The following RASSF5 variants were observed in gnomAD, a reference collection of about 807,000 sequenced individuals.
RASSF5 encodes ras association domain-containing protein 5.
RASSF5 carries 25 observed loss-of-function variants against 40.5 expected under a neutral mutation model. The observed-to-expected ratio is 0.62, with a 90% CI of 0.45 to 0.86. The LOEUF is 0.86. RASSF5 is among the 40% of genes least tolerant of loss of function. The pLI is 0.00. For missense variants in RASSF5, 521 were observed against 572.8 expected (o/e 0.91, Z 0.92); for synonymous variants, 246 against 252.4 (o/e 0.97, Z 0.24).
At chr1:206,565,613 C>T (rs1668268126) in intron 2 of RASSF5, among the ~76,000 whole-genome samples, 1 of 152,238 alleles carries the variant, frequency 6.6e-6, no homozygotes, top group South Asian at 2.1e-4. Flanking sequence ...TCCCCTTCCC[C>T]ATCCATGAAG....
chr1:206,577,532 A>G (rs1213041471), intron 2 of RASSF5, among the ~76,000 whole-genome samples: 1 of 152,252 alleles, frequency 6.6e-6, no homozygotes, highest in Non-Finnish European at 1.5e-5. Flanking sequence ...CTTAGAGATT[A>G]TCTGACTTTC....
chr1:206,555,367 GT>G lies in RASSF5; in HGVS notation c.579+17084del, dbSNP rs1176184059. ...TGTGGCCACAGAGAATCTGGGGCCT[GT>G]TTTTTTTTTCTTAAGTATTAGATTC... is the stretch of plus-strand genomic sequence containing the variant. On this transcript the variant is annotated intron_variant, in intron 2 of 5. Coordinates refer to ENST00000579436, the MANE Select transcript of RASSF5 (RefSeq NM_182663.4). Among the ~76,000 whole-genome samples the G allele has an allele frequency of 6.2e-4, 58 of 94,056 alleles. 1 individual carries two copies. In the South Asian group the frequency reaches 0.018, roughly 29 times the overall value. The allele number at this position is 94,056 out of a possible 152,430, so 61.7% of individuals were successfully genotyped here.
chr1:206,580,943 G>C (rs894861182), intron 2 of RASSF5: 8 of 152,226 alleles, frequency 5.3e-5, no homozygotes, highest in Admixed American at 6.5e-5. Context: ...ACAGGCTTTG[G>C]TTTAACAGCT....
intron 2 of RASSF5, among the ~76,000 whole-genome samples, chr1:206,570,077 CCTTTT>C (rs1558516746): frequency 9.3e-6 from 1 of 106,964 alleles, no homozygotes; most frequent in African/African-American, 3.5e-5. Flanking sequence ...ATAAAATTTA[CCTTTT>C]TTTTTTTTTT....
intron 2 of RASSF5, among the ~76,000 whole-genome samples, chr1:206,550,363 G>A (rs999328934): frequency 6.6e-6 from 1 of 152,260 alleles, no homozygotes; most frequent in African/African-American, 2.4e-5. Context: ...CCAGCCTTAC[G>A]CATTGGGTAA....
chr1:206,578,796 C>T (rs1668756741), intron 2 of RASSF5, among the ~76,000 whole-genome samples: 2 of 152,152 alleles, frequency 1.3e-5, no homozygotes, highest in Non-Finnish European at 2.9e-5. Context: ...AGCCACGTGA[C>T]TCACTCAGAG....
Position 206,535,828 on chromosome 1 carries a change from A to G in RASSF5, c.458-2344A>G, listed in dbSNP as rs1469582652. Among the ~76,000 whole-genome samples, 5 of 151,948 alleles carry G rather than the reference A, an allele frequency of 3.3e-5. No individual in the cohort carries two copies. The East Asian group carries it at 9.7e-4, about 29-fold the overall frequency. On this transcript the variant is annotated intron_variant, in intron 1 of 5. Coordinates refer to ENST00000579436, the MANE Select transcript of RASSF5 (RefSeq NM_182663.4). The surrounding 1 kb of genome is among the most constrained non-coding windows in gnomAD (Gnocchi z 5.0). ...CCTGTGCCAACAGGACAAGGAGCTA[A>G]AAGAGGAGGAGAGAGAAATTCCTCC...
intron 2 of RASSF5, chr1:206,581,239 G>A (rs1668860561): frequency 1.3e-5 from 2 of 152,294 alleles, no homozygotes; most frequent in African/African-American, 4.8e-5. Flanking sequence ...TTATTAATAG[G>A]TCAGGACCCC....
rs1668726417 is a variant in RASSF5, at chr1:206,578,191, A to G, written c.580-5078A>G. Among the ~76,000 whole-genome samples the G allele has an allele frequency of 2.0e-5, 3 of 150,114 alleles. No homozygotes were observed. In the South Asian group the frequency reaches 6.3e-4, roughly 32 times the overall value. On this transcript the variant is annotated intron_variant, in intron 2 of 5. Coordinates refer to ENST00000579436, the MANE Select transcript of RASSF5 (RefSeq NM_182663.4). ...CAGTGAGTTGTGATTGCACCAGTGC[A>G]CTCTCGACTGGGTGACAGAGGGAGA...
chr1:206,533,549 A>T (rs1448323961), intron 1 of RASSF5, among the ~76,000 whole-genome samples: 1 of 152,052 alleles, frequency 6.6e-6, no homozygotes, highest in African/African-American at 2.4e-5. Flanking sequence ...TGAGGCGGGG[A>T]GTTTGATACC....
Position 206,521,457 on chromosome 1 carries a change from G to A in RASSF5, c.457+13398G>A, listed in dbSNP as rs1353545189. Among the ~76,000 whole-genome samples the A allele has an allele frequency of 6.6e-5, 10 of 152,190 alleles. 1 individual carries two copies. Among genetic ancestry groups the A allele is most frequent in the Admixed American group, 5.9e-4 (9 of 15,290 alleles). ...TGAACCTGCCTGCTCCTGGCCTCCT[G>A]TGACCTCCTGGCACTAGAACTGGGC... On this transcript the variant is annotated intron_variant, in intron 1 of 5. Coordinates refer to ENST00000579436, the MANE Select transcript of RASSF5 (RefSeq NM_182663.4).
chr1:206,561,936 G>A (rs1553402718), intron 2 of RASSF5, among the ~76,000 whole-genome samples: 1 of 151,752 alleles, frequency 6.6e-6, no homozygotes, highest in Non-Finnish European at 1.5e-5. Flanking sequence ...CCAAGGTGCT[G>A]GGATTACAGG....
intron 1 of RASSF5, 113 bp downstream of exon 1, chr1:206,508,172 G>A: frequency 4.8e-6 from 4 of 834,180 alleles, no homozygotes; most frequent in Non-Finnish European, 6.7e-6. Context: ...GGCTCCAGGG[G>A]AGCCCCGAAC....
At chr1:206,540,898 T>C (rs11590231) in intron 2 of RASSF5, among the ~76,000 whole-genome samples, 70,161 of 151,750 alleles carry the variant, frequency 0.46, 16,920 homozygotes, top group East Asian at 0.73. Flanking sequence ...CTCTGATATA[T>C]ATTTTTTTTT....
intron 2 of RASSF5, among the ~76,000 whole-genome samples, chr1:206,570,978 G>C (rs574801650): frequency 6.6e-6 from 1 of 152,236 alleles, no homozygotes; most frequent in African/African-American, 2.4e-5. Context: ...GGATCACATG[G>C]TAATTCTGTT....
intron 2 of RASSF5, among the ~76,000 whole-genome samples, chr1:206,553,955 C>G (rs1435520832): frequency 6.6e-6 from 1 of 152,182 alleles, no homozygotes; most frequent in Admixed American, 6.5e-5. Context: ...GTGCAAGTAA[C>G]TTCACTTGCC....
At chr1:206,523,422 A>C (rs1666962362) in intron 1 of RASSF5, among the ~76,000 whole-genome samples, 1 of 117,578 alleles carries the variant, frequency 8.5e-6, no homozygotes, top group Non-Finnish European at 1.7e-5. Context: ...TATATTATAT[A>C]TTATATAATA....
At chr1:206,563,325 C>T (rs1160784732) in intron 2 of RASSF5, among the ~76,000 whole-genome samples, 2 of 152,208 alleles carry the variant, frequency 1.3e-5, no homozygotes, top group African/African-American at 4.8e-5. Flanking sequence ...GCGCCAGGCA[C>T]CTGGGAAGCT....
At chr1:206,539,097 T>A (rs1007166392) in intron 2 of RASSF5, among the ~76,000 whole-genome samples, 8 of 152,178 alleles carry the variant, frequency 5.3e-5, no homozygotes, top group African/African-American at 1.4e-4. Flanking sequence ...GAGGAGGTGA[T>A]GTTTGATTTA....
Sources: allele counts gnomAD v4.1 joint callset (sites outside exome capture counted in the v4.1 genomes callset), GRCh38; gene constraint gnomAD v4.1.1; non-coding constraint Gnocchi (gnomAD v3.1); transcripts MANE v1.5; gene names NCBI Gene and HGNC (gene_info 2026-07-23, HGNC 2026-07-21).